GRID1: variants seen among roughly 807,000 people sequenced by gnomAD.
GRID1 encodes the protein glutamate receptor ionotropic, delta-1.
GRID1 carries 28 observed loss-of-function variants against 98.0 expected under a neutral mutation model. That is an observed-to-expected ratio of 0.29 (90% CI 0.21 to 0.39). The LOEUF (loss-of-function observed/expected upper bound fraction) is 0.39, where lower values mean the gene tolerates loss of function less well. Ranked by LOEUF, GRID1 falls within the 10% of genes least tolerant of loss-of-function variation. The pLI, the probability that GRID1 is intolerant of heterozygous loss-of-function variation, is 1.00. For missense variants in GRID1, 1,111 were observed against 1,340.5 expected (o/e 0.83, Z 2.67); for synonymous variants, 553 against 538.5 (o/e 1.03, Z -0.37).
intron 2 of GRID1, among the ~76,000 whole-genome samples, chr10:86,286,262 A>T (rs1352779629): frequency 6.6e-6 from 1 of 152,168 alleles, no homozygotes; most frequent in Non-Finnish European, 1.5e-5. Flanking sequence ...ATATTTACAG[A>T]TGAGGAAACA....
intron 2 of GRID1, among the ~76,000 whole-genome samples, chr10:86,231,572 C>G (rs2132036190): frequency 6.6e-6 from 1 of 152,322 alleles, no homozygotes; most frequent in African/African-American, 2.4e-5. Flanking sequence ...ACAGCAAAAG[C>G]TTTGGATGAA....
chr10:86,339,670 G>A (rs1338602875), intron 2 of GRID1, among the ~76,000 whole-genome samples: 1 of 152,236 alleles, frequency 6.6e-6, no homozygotes, highest in Non-Finnish European at 1.5e-5. Flanking sequence ...GAGGGAACGA[G>A]CAGAGTGGGG....
chr10:86,281,663 C>T (rs929601239), intron 2 of GRID1, among the ~76,000 whole-genome samples: 17 of 152,094 alleles, frequency 1.1e-4, no homozygotes, highest in African/African-American at 3.9e-4. Flanking sequence ...GCCCACAGAC[C>T]CATGGCCTGA....
intron 12 of GRID1, among the ~76,000 whole-genome samples, chr10:85,720,652 A>G (rs1223829344): frequency 6.6e-6 from 1 of 151,562 alleles, no homozygotes; most frequent in Non-Finnish European, 1.5e-5. Context: ...AAAAGAAAGA[A>G]AGAAAGAAAA....
At chr10:86,165,252 C>A (rs1845382227) in intron 3 of GRID1, among the ~76,000 whole-genome samples, 1 of 152,182 alleles carries the variant, frequency 6.6e-6, no homozygotes, top group Non-Finnish European at 1.5e-5. Context: ...GGCAGAAAGC[C>A]CTGATGAAGA....
At chr10:86,243,909 T>A (rs1197907032) in intron 2 of GRID1, among the ~76,000 whole-genome samples, 1 of 152,244 alleles carries the variant, frequency 6.6e-6, no homozygotes, top group Non-Finnish European at 1.5e-5. Flanking sequence ...CCACCATCTC[T>A]GCACACACGT....
intron 4 of GRID1, among the ~76,000 whole-genome samples, chr10:86,013,447 C>T (rs1321767555): frequency 6.6e-6 from 1 of 152,204 alleles, no homozygotes; most frequent in Non-Finnish European, 1.5e-5. Context: ...TCATCATAAA[C>T]TTAATCAAGT....
intron 4 of GRID1, among the ~76,000 whole-genome samples, chr10:86,107,993 T>C (rs1237918685): frequency 6.6e-6 from 1 of 152,160 alleles, no homozygotes; most frequent in Non-Finnish European, 1.5e-5. Flanking sequence ...GAACCCGGGA[T>C]ACAGAGAGCC....
chr10:85,843,570 G>T (rs1360806911), intron 8 of GRID1, among the ~76,000 whole-genome samples: 1 of 151,930 alleles, frequency 6.6e-6, no homozygotes, highest in Non-Finnish European at 1.5e-5. Context: ...AATATATAAA[G>T]AATTCTCAAA....
At chr10:85,692,861 A>G (rs1181494892) in intron 12 of GRID1, among the ~76,000 whole-genome samples, 1 of 152,194 alleles carries the variant, frequency 6.6e-6, no homozygotes, top group Non-Finnish European at 1.5e-5. Flanking sequence ...ACTTTGAGAT[A>G]TTCCCCAAGG....
At position 85,683,082 on chromosome 10, in the gene GRID1, C is replaced by A. The variant is rs139982946; in HGVS notation, c.1998-35685G>T. Among the ~76,000 whole-genome samples the A allele has an allele frequency of 4.3e-3, 654 of 152,352 alleles. 5 individuals are homozygous for A. Among genetic ancestry groups the A allele is most frequent in the African/African-American group, 0.014 (578 of 41,578 alleles). ...AGCCTGGGCCAGTAGCCCTCGCACT[C>A]AGCTTACCATCACTCTCAGATACAC... On this transcript the variant is annotated intron_variant, in intron 12 of 15. Coordinates refer to ENST00000327946, the MANE Select transcript of GRID1 (RefSeq NM_017551.3).
intron 13 of GRID1, among the ~76,000 whole-genome samples, chr10:85,641,009 CATCT>C (rs1489273983): frequency 6.6e-6 from 1 of 152,252 alleles, no homozygotes; most frequent in Non-Finnish European, 1.5e-5. Flanking sequence ...ACAAGCTACT[CATCT>C]ATTTATTCAA....
chr10:86,072,734 G>A (rs995998962), intron 4 of GRID1, among the ~76,000 whole-genome samples: 1 of 151,934 alleles, frequency 6.6e-6, no homozygotes, highest in Non-Finnish European at 1.5e-5. Flanking sequence ...CCCTTTCCAC[G>A]GTCTCAGACC....
intron 2 of GRID1, among the ~76,000 whole-genome samples, chr10:86,355,542 T>C (rs1219014944): frequency 1.3e-5 from 2 of 151,838 alleles, no homozygotes; most frequent in Non-Finnish European, 2.9e-5. Flanking sequence ...CACCCACTGG[T>C]AACCTACACT....
At chr10:85,680,838 T>C (rs150094423) in intron 12 of GRID1, among the ~76,000 whole-genome samples, 225 of 152,246 alleles carry the variant, frequency 1.5e-3, no homozygotes, top group African/African-American at 4.9e-3. Flanking sequence ...TTTGCAGCAA[T>C]GTGGATGGAA....
chr10:86,342,948 G>C (rs916767822), intron 2 of GRID1, among the ~76,000 whole-genome samples: 5 of 152,244 alleles, frequency 3.3e-5, no homozygotes, highest in African/African-American at 9.6e-5. Context: ...GCCAGGGCCA[G>C]TCCACAGTAG....
At chr10:85,982,523 T>C (rs1008530119) in intron 4 of GRID1, among the ~76,000 whole-genome samples, 4 of 151,780 alleles carry the variant, frequency 2.6e-5, no homozygotes, top group African/African-American at 9.7e-5. Flanking sequence ...CAAGGGTGAA[T>C]GGGGAGTATT....
intron 2 of GRID1, among the ~76,000 whole-genome samples, chr10:86,228,800 C>T (rs527401305): frequency 1.4e-4 from 22 of 152,244 alleles, no homozygotes; most frequent in Admixed American, 3.3e-4. Flanking sequence ...CCTCCTGGCC[C>T]GGCCACTCTT....
At chr10:86,164,277 A>G (rs1845366570) in intron 3 of GRID1, among the ~76,000 whole-genome samples, 1 of 152,212 alleles carries the variant, frequency 6.6e-6, no homozygotes, top group Non-Finnish European at 1.5e-5. Flanking sequence ...AGGAACCAGA[A>G]GGAAAGAGAG....
Sources: allele counts gnomAD v4.1 joint callset (sites outside exome capture counted in the v4.1 genomes callset), GRCh38; gene constraint gnomAD v4.1.1; transcripts MANE v1.5; gene names NCBI Gene and HGNC (gene_info 2026-07-23, HGNC 2026-07-21).